CTNS: variants seen among roughly 807,000 people sequenced by gnomAD.
The protein encoded by CTNS is cystinosin, lysosomal cystine transporter, also known as cystinosin.
Under a neutral mutation model 43.7 loss-of-function variants are expected in CTNS, and 27 were observed. The observed-to-expected ratio is 0.62, with a 90% CI of 0.46 to 0.85. The LOEUF (loss-of-function observed/expected upper bound fraction) is 0.85. Among genes scored for constraint, CTNS ranks in the 40% least tolerant of loss-of-function variants. The pLI, the probability that CTNS is intolerant of heterozygous loss-of-function variation, is 0.00. For synonymous variants in CTNS, 187 were observed against 190.6 expected, an observed-to-expected ratio of 0.98 and a Z score of 0.16; for missense variants, 457 against 475.4, an observed-to-expected ratio of 0.96 and a Z score of 0.36.
At chr17:3,652,145 G>T (rs75468006) in intron 5 of CTNS, among the ~76,000 whole-genome samples, 1 of 152,136 alleles carries the variant, frequency 6.6e-6, no homozygotes, top group African/African-American at 2.4e-5. Flanking sequence ...CCTCTGGTTA[G>T]AACATGGGAG....
At chr17:3,648,014 G>A (rs943033562) in intron 4 of CTNS, among the ~76,000 whole-genome samples, 3 of 152,150 alleles carry the variant, frequency 2.0e-5, no homozygotes, top group African/African-American at 4.8e-5. Flanking sequence ...AGGCACAAAC[G>A]TCGCGACCTA....
chr17:3,660,221 C>T lies in CTNS; in HGVS notation c.971-15C>T. On this transcript the variant is annotated splice_polypyrimidine_tract_variant and intron_variant, in intron 11 of 11. Coordinates refer to ENST00000046640, the MANE Select transcript of CTNS (RefSeq NM_004937.3). ...GCCAACCTAACACCAGCTTCTGTCCCCCGGCTGCTAACAGACCAGTGGACG... is the reference window on the plus strand; with the variant it reads ...GCCAACCTAACACCAGCTTCTGTCCTCCGGCTGCTAACAGACCAGTGGACG... The T allele has an allele frequency of 3.1e-6, 5 of 1,614,116 alleles. No individual in the cohort carries two copies. Among genetic ancestry groups the T allele is most frequent in the Non-Finnish European group, 4.2e-6 (5 of 1,180,034 alleles).
chr17:3,658,792 G>A (rs1009669132), intron 10 of CTNS, among the ~76,000 whole-genome samples: 2 of 152,228 alleles, frequency 1.3e-5, no homozygotes, highest in African/African-American at 4.8e-5. Context: ...TGGGAGGCAG[G>A]ACTGGACTCT....
chr17:3,647,702 C>T, intron 4 of CTNS, 180 bp downstream of exon 4: 1 of 657,768 alleles, frequency 1.5e-6, no homozygotes, highest in Non-Finnish European at 2.7e-6. Context: ...ATCGCAAAGG[C>T]TGACCCCCAC....
chr17:3,651,584 G>A (rs1195702010), intron 5 of CTNS, among the ~76,000 whole-genome samples: 1 of 152,118 alleles, frequency 6.6e-6, no homozygotes, highest in Non-Finnish European at 1.5e-5. Context: ...TCTTCATCTG[G>A]GAGCTGGATG....
rs1177964860 is a variant in CTNS, at chr17:3,655,348, A to G, written c.457A>G (p.Lys153Glu). 6.2e-7 allele frequency: 1 copy of G among 1,613,888 alleles called. No individual in the cohort carries two copies. Among genetic ancestry groups the G allele is most frequent in the Non-Finnish European group, 8.5e-7 (1 of 1,180,004 alleles). The change falls in exon 7 of 12, where the codon AAA becomes GAA. Residue 153 changes from lysine to glutamate, a missense_variant. Lys to Glu is a moderately conservative substitution (Grantham distance 56). Transcript: ENST00000046640. ...YPQVIMNWRR[K>E]SVIGLSFDFV... The stretch of plus-strand genomic sequence containing the variant: ...TCAGGTGATCATGAATTGGAGGCGG[A>G]AAAGGTAACCCCCTGGGCCGTATGT...
At position 3,649,171 on chromosome 17, in the gene CTNS, G is replaced by C. The variant is rs1034829836; in HGVS notation, c.225+240G>C. On this transcript the variant is annotated intron_variant, in intron 5 of 11. Transcript: ENST00000046640. ...TTCTGGGAATGTAAACGTTCTTACCGGGAGTGGTGGCTCACGCCTGTAATC... is the reference window on the plus strand; with the variant it reads ...TTCTGGGAATGTAAACGTTCTTACCCGGAGTGGTGGCTCACGCCTGTAATC... 7.9e-5 allele frequency among the ~76,000 whole-genome samples: 12 copies of C among 152,318 alleles called. 2 individuals are homozygous for C. Among genetic ancestry groups the C allele is most frequent in the Admixed American group, 2.0e-4 (3 of 15,304 alleles).
In CTNS at chr17:3,650,830, C is replaced by A. The variant is rs1259514724; in HGVS notation, c.225+1899C>A. Among the ~76,000 whole-genome samples the A allele has an allele frequency of 7.2e-5, 11 of 152,232 alleles. No homozygotes were observed. The East Asian group carries it at 2.1e-3, about 29-fold the overall frequency. On this transcript the variant is annotated intron_variant, in intron 5 of 11. Coordinates refer to ENST00000046640, the MANE Select transcript of CTNS (RefSeq NM_004937.3). ...TTTATTTATTTGTTTAGAGACAGAG[C>A]TTCACTCTGTCGCCCAGGTTGGAGT...
At chr17:3,659,070 T>C (rs1489648976) in intron 10 of CTNS, among the ~76,000 whole-genome samples, 1 of 151,734 alleles carries the variant, frequency 6.6e-6, no homozygotes, top group Non-Finnish European at 1.5e-5. Flanking sequence ...GGAGCCCAGG[T>C]TGGAGACGTT....
chr17:3,636,593 C>G (rs1048350297), upstream of CTNS: 3 of 222,028 alleles, frequency 1.4e-5, no homozygotes, highest in Non-Finnish European at 2.7e-5. Context: ...GAGCCCCGAT[C>G]TCTGCGCCCC....
At chr17:3,657,743 C>G in intron 9 of CTNS, 1 of 555,008 alleles carries the variant, frequency 1.8e-6, no homozygotes, top group Non-Finnish European at 3.2e-6. Context: ...AGAGTCCAAG[C>G]AGCCTGAACA....
At chr17:3,653,854 C>T (rs1345903431) in intron 5 of CTNS, among the ~76,000 whole-genome samples, 1 of 142,614 alleles carries the variant, frequency 7.0e-6, no homozygotes, top group African/African-American at 2.5e-5. Flanking sequence ...CCAGCCTGGG[C>T]AACAAGAGCA....
chr17:3,657,010 A>G, intron 9 of CTNS: 3 of 687,062 alleles, frequency 4.4e-6, no homozygotes, highest in Non-Finnish European at 4.9e-6. Flanking sequence ...GCCTGGACTC[A>G]GGCTGAGAGC....
Position 3,656,676 on chromosome 17 carries a change from G to C in CTNS, c.562G>C (p.Glu188Gln). Residue 188 changes from glutamate (E) to glutamine (Q), a missense_variant and splice_region_variant, in exon 9 of 12, where the codon GAG becomes CAG. Coordinates refer to ENST00000046640, the MANE Select transcript of CTNS (RefSeq NM_004937.3). Reference sequence around the variant, plus strand: ...CCAGCTTCTCCCACCCACCAAACAGGAGCAGTTTCTCCTCAAATACCCCAA... The same window carrying C: ...CCAGCTTCTCCCACCCACCAAACAGCAGCAGTTTCTCCTCAAATACCCCAA... ...IGLLWVPYIK[E>Q]QFLLKYPNGV... The C allele has an allele frequency of 6.2e-7, 1 of 1,612,952 alleles. No individual in the cohort carries two copies. Among genetic ancestry groups the C allele is most frequent in the Non-Finnish European group, 8.5e-7 (1 of 1,179,852 alleles).
chr17:3,641,431 G>A (rs1184099356), intron 3 of CTNS, among the ~76,000 whole-genome samples: 10 of 109,162 alleles, frequency 9.2e-5, no homozygotes, highest in East Asian at 2.7e-4. Context: ...TCACTCTGTC[G>A]CTGAGGCTGG....
intron 3 of CTNS, among the ~76,000 whole-genome samples, chr17:3,642,210 AAC>A (rs1366306113): frequency 6.6e-6 from 1 of 151,032 alleles, no homozygotes; most frequent in Non-Finnish European, 1.5e-5. Flanking sequence ...TAGTAATGCT[AAC>A]ACGCTCCCCT....
intron 4 of CTNS, 116 bp downstream of exon 4, chr17:3,647,638 T>G: frequency 1.1e-6 from 1 of 917,654 alleles, no homozygotes; most frequent in Non-Finnish European, 1.7e-6. Context: ...GCCTCTTACC[T>G]GTAAGACAAG....
intron 4 of CTNS, among the ~76,000 whole-genome samples, chr17:3,648,005 G>A (rs1357992643): frequency 6.6e-6 from 1 of 152,174 alleles, no homozygotes; most frequent in African/African-American, 2.4e-5. Context: ...TGCTGGCTTA[G>A]GCACAAACGT....
chr17:3,659,797 G>T (rs72835823), intron 10 of CTNS, 61 bp from the exon 11 acceptor site: 6 of 1,232,534 alleles, frequency 4.9e-6, no homozygotes, highest in Non-Finnish European at 7.2e-6. Flanking sequence ...GTCACGAGGC[G>T]CATGAGGCAG....
Sources: allele counts gnomAD v4.1 joint callset (sites outside exome capture counted in the v4.1 genomes callset), GRCh38; gene constraint gnomAD v4.1.1; transcripts MANE v1.5; gene names NCBI Gene and HGNC (gene_info 2026-07-23, HGNC 2026-07-21).